Variants in KLB observed in about 807,000 individuals in gnomAD.
KLB encodes beta-klotho.
A neutral mutation model predicts 88.4 loss-of-function variants in KLB; 44 were observed. That is an observed-to-expected ratio of 0.50 (90% confidence interval 0.39 to 0.64). The LOEUF (loss-of-function observed/expected upper bound fraction) is 0.64, where lower values mean the gene tolerates loss of function less well. KLB is among the 30% of genes least tolerant of loss of function. The pLI is 0.00. For synonymous variants in KLB, 548 were observed against 513.4 expected (o/e 1.07, Z -0.91); for missense variants, 1,137 against 1,304.8 (o/e 0.87, Z 1.98).
intron 1 of KLB, among the ~76,000 whole-genome samples, chr4:39,419,104 A>C (rs1215084598): frequency 6.6e-6 from 1 of 152,140 alleles, no homozygotes; most frequent in Non-Finnish European, 1.5e-5. Context: ...TAGTTATAAG[A>C]ATCGTGTAAA....
At chr4:39,408,670 T>C (rs1264965848) in intron 1 of KLB, among the ~76,000 whole-genome samples, 1 of 152,126 alleles carries the variant, frequency 6.6e-6, no homozygotes, top group African/African-American at 2.4e-5. Flanking sequence ...GTTGTGGACA[T>C]GGATTTTTTA....
rs182668581 is a variant in KLB, at chr4:39,409,581, G to A, written c.825+1807G>A. On this transcript the variant is annotated intron_variant, in intron 1 of 4. Transcript: ENST00000257408. The stretch of plus-strand genomic sequence containing the variant: ...TGGGATTACAGGTGTGAGCCACTGC[G>A]CTCAGCCAGTCCTTTTAATTTTTAA... Among the ~76,000 whole-genome samples the A allele has an allele frequency of 4.0e-5, 6 of 151,404 alleles. No homozygotes were observed. The East Asian group carries it at 5.9e-4, about 15-fold the overall frequency.
Position 39,448,338 on chromosome 4 carries a change from T to C in KLB, c.2787T>C (p.Tyr929=), listed in dbSNP as rs758585283. 1.9e-6 allele frequency: 3 copies of C among 1,611,480 alleles called. No homozygotes were observed. Among genetic ancestry groups the C allele is most frequent in the Admixed American group, 1.7e-5 (1 of 59,878 alleles). ...ATAAAGTCAGAATCAAAGGCTATTA[T>C]GCATTCAAACTGGCTGAAGAGAAAT... ...LIDKVRIKGY[Y]AFKLAEEKSK... Residue 929 remains tyrosine, a synonymous_variant, in exon 5 of 5, where the codon TAT becomes TAC. Coordinates refer to ENST00000257408, the MANE Select transcript of KLB (RefSeq NM_175737.4).
chr4:39,446,937 C>G lies in KLB; in HGVS notation c.2211C>G (p.Ala737=). 1.2e-6 allele frequency: 2 copies of G among 1,604,726 alleles called. No homozygotes were observed. Among genetic ancestry groups the G allele is most frequent in the Non-Finnish European group, 1.7e-6 (2 of 1,178,796 alleles). Residue 737 remains alanine, a synonymous_variant, in exon 4 of 5, where the codon GCC becomes GCG. Coordinates refer to ENST00000257408, the MANE Select transcript of KLB (RefSeq NM_175737.4). The surrounding 1 kb of genome is among the most constrained non-coding windows in gnomAD (Gnocchi z 6.4). ...AGTTCAGGCCCTCACAGCGCGGGGC[C>G]GTGTCGCTGTCGCTGCACGCGGACT... The part of the protein sequence containing the change: ...DRQFRPSQRG[A]VSLSLHADWA...
chr4:39,442,623 C>T (rs1237523031), intron 3 of KLB, among the ~76,000 whole-genome samples: 6 of 152,130 alleles, frequency 3.9e-5, no homozygotes, highest in African/African-American at 7.2e-5. Flanking sequence ...TTAGTAGAGA[C>T]GGGGTTTCAC....
intron 1 of KLB, among the ~76,000 whole-genome samples, chr4:39,425,909 G>A (rs973848243): frequency 1.3e-5 from 2 of 151,564 alleles, no homozygotes; most frequent in Non-Finnish European, 2.9e-5. Context: ...CTTGAGGTCA[G>A]GAGCTTGAGA....
chr4:39,428,258 C>A (rs1224248915), intron 1 of KLB, among the ~76,000 whole-genome samples: 1 of 152,072 alleles, frequency 6.6e-6, no homozygotes, highest in African/African-American at 2.4e-5. Context: ...GAAACCCCGT[C>A]TCTACTAAAA....
At chr4:39,410,697 T>A (rs941846125) in intron 1 of KLB, among the ~76,000 whole-genome samples, 3 of 152,204 alleles carry the variant, frequency 2.0e-5, no homozygotes, top group Non-Finnish European at 2.9e-5. Context: ...GAAGAAGCAT[T>A]CTTTAGGAAT....
chr4:39,433,787 G>C (rs1230572855), intron 1 of KLB, among the ~76,000 whole-genome samples: 1 of 152,122 alleles, frequency 6.6e-6, no homozygotes, highest in Non-Finnish European at 1.5e-5. Flanking sequence ...TTGAACCTGG[G>C]AGGCGGAGGT....
chr4:39,420,751 A>C (rs1027833647), intron 1 of KLB, among the ~76,000 whole-genome samples: 4 of 152,120 alleles, frequency 2.6e-5, no homozygotes, highest in African/African-American at 9.7e-5. Context: ...CCTGGGTTCA[A>C]ATGATCCTCC....
In KLB at chr4:39,446,293, C is replaced by T. The variant is rs1365633600; in HGVS notation, c.1606-39C>T. On this transcript the variant is annotated intron_variant, in intron 3 of 4. Coordinates refer to ENST00000257408, the MANE Select transcript of KLB (RefSeq NM_175737.4). This position sits in a 1 kb window ranked among gnomAD's most constrained non-coding sequence, Gnocchi z 6.4. ...GGCAGATCACTTGAGCCTCCATCTG[C>T]CAGCGCATGCTTGACCTAAATGAGC... is the stretch of plus-strand genomic sequence containing the variant. 2 of 1,572,264 alleles carry T rather than the reference C, an allele frequency of 1.3e-6. No individual in the cohort carries two copies. Among genetic ancestry groups the T allele is most frequent in the African/African-American group, 2.7e-5 (2 of 74,240 alleles).
rs778475014 is a variant in KLB, at chr4:39,407,137, A to G, written c.188A>G (p.Lys63Arg). The part of the protein sequence containing the change: ...FSGDGRAIWS[K>R]NPNFTPVNES... ...GGAGATGGAAGAGCTATATGGTCTAAAAATCCTAATTTTACTCCGGTAAAT... is the reference window on the plus strand; with the variant it reads ...GGAGATGGAAGAGCTATATGGTCTAGAAATCCTAATTTTACTCCGGTAAAT... Residue 63 changes from lysine (K) to arginine (R), a missense_variant, in exon 1 of 5, where the codon AAA (lysine) becomes AGA (arginine). Transcript: ENST00000257408. 1 of 1,614,064 alleles carries G rather than the reference A, an allele frequency of 6.2e-7. No homozygotes were observed. The highest frequency in any genetic ancestry group is 8.5e-7 in the Non-Finnish European group (1 of 1,180,026).
At chr4:39,414,878 A>G (rs1742935759) in intron 1 of KLB, among the ~76,000 whole-genome samples, 1 of 151,624 alleles carries the variant, frequency 6.6e-6, no homozygotes. Context: ...CAGGAAAAAA[A>G]AAAAAAAAAA....
chr4:39,408,948 G>GA (rs918916661), intron 1 of KLB, among the ~76,000 whole-genome samples: 1 of 135,416 alleles, frequency 7.4e-6, no homozygotes, highest in Admixed American at 7.4e-5. Context: ...TACAGAAGTA[G>GA]AAAAAAAATA....
intron 1 of KLB, among the ~76,000 whole-genome samples, chr4:39,423,063 G>A (rs531718305): frequency 1.3e-4 from 20 of 151,744 alleles, no homozygotes; most frequent in Non-Finnish European, 2.1e-4. Flanking sequence ...CACCGCTCCC[G>A]GCCTCAGTCT....
At chr4:39,424,765 A>T (rs541183331) in intron 1 of KLB, among the ~76,000 whole-genome samples, 1 of 151,998 alleles carries the variant, frequency 6.6e-6, no homozygotes, top group East Asian at 1.9e-4. Context: ...GGTAGCTGGG[A>T]CTACAGGCAT....
chr4:39,414,931 G>T (rs550126622), intron 1 of KLB, among the ~76,000 whole-genome samples: 1 of 150,584 alleles, frequency 6.6e-6, no homozygotes, highest in Non-Finnish European at 1.5e-5. Flanking sequence ...TATAAGCAAC[G>T]TTTATCCATT....
chr4:39,447,532 G>A (rs1477995458), intron 4 of KLB, 57 bp downstream of exon 4: 1 of 1,409,988 alleles, frequency 7.1e-7, no homozygotes, highest in Non-Finnish European at 9.5e-7. Flanking sequence ...TACCTGACAA[G>A]AACAAAGAAT....
At position 39,451,027 on chromosome 4, in the gene KLB, C is replaced by G. The variant is rs992407250; in HGVS notation, c.*2341C>G. The G allele has an allele frequency of 6.6e-6, 1 of 152,192 alleles. No homozygotes were observed. The highest frequency in any genetic ancestry group is 2.4e-5 in the African/African-American group (1 of 41,440). 9.4% of individuals were successfully genotyped at this position (152,192 alleles called of 1,614,324 possible). On this transcript the variant is annotated 3_prime_UTR_variant, in exon 5 of 5. Coordinates refer to ENST00000257408, the MANE Select transcript of KLB (RefSeq NM_175737.4). The stretch of plus-strand genomic sequence containing the variant: ...AGAGCTTATGCTTAAAGCATGCCCC[C>G]CTTTTCTAACTTGCTGGTTTACCAT...
Sources: gnomAD v4.1 joint callset for allele counts (sites outside exome capture counted in the v4.1 genomes callset) on GRCh38, gnomAD v4.1.1 for gene constraint, Gnocchi (gnomAD v3.1) non-coding constraint, MANE v1.5 for transcripts, NCBI Gene and HGNC (gene_info 2026-07-23, HGNC 2026-07-21) for gene names.